ZNF280D: variants seen among roughly 807,000 people sequenced by gnomAD.
The protein encoded by ZNF280D is zinc finger protein 280D.
A neutral mutation model predicts 94.7 loss-of-function variants in ZNF280D; 39 were observed. The ratio of observed to expected loss-of-function variants is 0.41; its 90% CI spans 0.32 to 0.54. ZNF280D has a LOEUF of 0.54. ZNF280D is among the 20% of genes least tolerant of loss of function. ZNF280D has a pLI of 0.22. For missense variants in ZNF280D, 1,090 were observed against 1,149.3 expected, an observed-to-expected ratio of 0.95 and a Z score of 0.75; for synonymous variants, 398 against 377.6, an observed-to-expected ratio of 1.05 and a Z score of -0.63.
intron 12 of ZNF280D, 79 bp from the exon 13 acceptor site, chr15:56,676,895 T>C: frequency 8.8e-7 from 1 of 1,140,944 alleles, no homozygotes; most frequent in Admixed American, 2.2e-5. Context: ...TGATGGATAA[T>C]TTGTCAGGAG....
intron 19 of ZNF280D, among the ~76,000 whole-genome samples, chr15:56,646,676 T>C (rs2052908255): frequency 2.6e-5 from 4 of 152,184 alleles, no homozygotes; most frequent in Admixed American, 6.5e-5. Flanking sequence ...CAGTCCAAAG[T>C]TAAAAAAGAC....
At chr15:56,678,541 T>G (rs2055399164) in intron 11 of ZNF280D, 123 bp downstream of exon 11, 1 of 852,326 alleles carries the variant, frequency 1.2e-6, no homozygotes, top group Non-Finnish European at 1.7e-6. Flanking sequence ...CCTTTCAATT[T>G]TGCCCTCAAA....
intron 16 of ZNF280D, 67 bp downstream of exon 16, chr15:56,666,328 G>C (rs2054281797): frequency 6.4e-7 from 1 of 1,556,186 alleles, no homozygotes; most frequent in Non-Finnish European, 8.7e-7. Flanking sequence ...GGATAACTTT[G>C]TTTTTGAAAC....
intron 17 of ZNF280D, 47 bp from the exon 18 acceptor site, chr15:56,654,550 C>T: frequency 6.7e-7 from 1 of 1,503,328 alleles, no homozygotes; most frequent in Non-Finnish European, 9.0e-7. Context: ...TTATGAAAAT[C>T]CACTTATAAG....
chr15:56,632,768 T>C (rs1329834974), intron 21 of ZNF280D, among the ~76,000 whole-genome samples: 1 of 152,028 alleles, frequency 6.6e-6, no homozygotes, highest in Non-Finnish European at 1.5e-5. Context: ...GGATTACAGG[T>C]ATGAGCCACC....
At chr15:56,681,129 C>T (rs2055589169) in intron 10 of ZNF280D, among the ~76,000 whole-genome samples, 1 of 152,070 alleles carries the variant, frequency 6.6e-6, no homozygotes, top group South Asian at 2.1e-4. Flanking sequence ...TTATAAAGCA[C>T]TATCATAAAG....
intron 7 of ZNF280D, among the ~76,000 whole-genome samples, chr15:56,692,242 A>C (rs1025637476): frequency 3.2e-4 from 48 of 152,200 alleles, no homozygotes; most frequent in African/African-American, 1.1e-3. Flanking sequence ...GGTGAATATC[A>C]AATCAAGTAT....
At chr15:56,695,200 G>C (rs144369654) in intron 6 of ZNF280D, among the ~76,000 whole-genome samples, 2 of 152,030 alleles carry the variant, frequency 1.3e-5, no homozygotes, top group Non-Finnish European at 2.9e-5. Flanking sequence ...AGCCTCCTGA[G>C]TAGCTGGGAC....
At chr15:56,652,684 C>T in intron 19 of ZNF280D, 2 of 985,282 alleles carry the variant, frequency 2.0e-6, no homozygotes, top group South Asian at 4.7e-5. Context: ...GTAGACATTA[C>T]ATCTTAGACG....
chr15:56,706,540 C>G (rs1198298928), intron 3 of ZNF280D, among the ~76,000 whole-genome samples: 1 of 152,060 alleles, frequency 6.6e-6, no homozygotes, highest in Admixed American at 6.6e-5. Context: ...AGAAGAGAGG[C>G]CTCAAACCCT....
chr15:56,695,164 C>T lies in ZNF280D; in HGVS notation c.382-1949G>A, dbSNP rs149638659. Reference sequence around the variant, plus strand: ...CTCCGCTCACTGCAACCTCTGCCTCCTGGGTTCAACTGACTCTCCTGTCTC... The same window carrying T: ...CTCCGCTCACTGCAACCTCTGCCTCTTGGGTTCAACTGACTCTCCTGTCTC... On this transcript the variant is annotated intron_variant, in intron 6 of 21. Coordinates refer to ENST00000267807, the MANE Select transcript of ZNF280D (RefSeq NM_017661.4). Among the ~76,000 whole-genome samples the T allele has an allele frequency of 3.3e-5, 5 of 152,216 alleles. No homozygotes were observed. The East Asian group carries it at 9.7e-4, about 29-fold the overall frequency.
chr15:56,733,491 TGAGGAGGAGGAGAAA>T lies in ZNF280D; in HGVS notation c.-134_-120del, dbSNP rs1304442122. 35 of 1,135,912 alleles carry T rather than the reference TGAGGAGGAGGAGAAA, an allele frequency of 3.1e-5. No individual in the cohort carries two copies. Among genetic ancestry groups the T allele is most frequent in the Non-Finnish European group, 3.7e-5 (34 of 915,542 alleles). The allele number at this position is 1,135,912 out of a possible 1,614,324, so 70.4% of individuals were successfully genotyped here. On this transcript the variant is annotated 5_prime_UTR_variant, in exon 1 of 22. Coordinates refer to ENST00000267807, the MANE Select transcript of ZNF280D (RefSeq NM_017661.4). ...GAGCGGATCGGCCTGACTGGAGCCCTGAGGAGGAGGAGAAAGAGGAGGAGGAAAAGGAGGAGCACG... is the reference window on the plus strand; with the variant it reads ...GAGCGGATCGGCCTGACTGGAGCCCTGAGGAGGAGGAAAAGGAGGAGCACG...
intron 16 of ZNF280D, among the ~76,000 whole-genome samples, chr15:56,660,524 G>C (rs930724669): frequency 2.0e-5 from 3 of 151,778 alleles, no homozygotes; most frequent in Non-Finnish European, 4.4e-5. Context: ...ATCACAGGAA[G>C]GGAAAAGTGA....
At chr15:56,725,887 AC>A (rs2058607678) in intron 1 of ZNF280D, among the ~76,000 whole-genome samples, 1 of 152,198 alleles carries the variant, frequency 6.6e-6, no homozygotes, top group Non-Finnish European at 1.5e-5. Context: ...ACACAAAGAA[AC>A]AAGGCATACA....
At chr15:56,724,891 G>T in intron 1 of ZNF280D, 2 of 452,262 alleles carry the variant, frequency 4.4e-6, no homozygotes, top group Middle Eastern at 3.3e-4. Context: ...TTTTTCTCAT[G>T]GAATGTAAGA....
chr15:56,677,497 G>T, intron 12 of ZNF280D, 77 bp downstream of exon 12: 1 of 1,023,648 alleles, frequency 9.8e-7, no homozygotes, highest in Non-Finnish European at 1.5e-6. Flanking sequence ...CTGACCGCTG[G>T]TCTAATAGGC....
intron 13 of ZNF280D, 77 bp from the exon 14 acceptor site, chr15:56,669,034 T>A: frequency 7.4e-7 from 1 of 1,351,244 alleles, no homozygotes. Flanking sequence ...ACTGCTGACT[T>A]AATTTTAATG....
At chr15:56,685,859 C>G (rs1190518090) in intron 9 of ZNF280D, among the ~76,000 whole-genome samples, 1 of 152,060 alleles carries the variant, frequency 6.6e-6, no homozygotes, top group African/African-American at 2.4e-5. Context: ...CCAAATAAAT[C>G]TATCATATTG....
At chr15:56,722,850 T>G (rs2058438658) in intron 1 of ZNF280D, among the ~76,000 whole-genome samples, 1 of 151,778 alleles carries the variant, frequency 6.6e-6, no homozygotes, top group African/African-American at 2.4e-5. Context: ...AATGATAGAC[T>G]GGATTAAGAA....
Sources: allele counts gnomAD v4.1 joint callset (sites outside exome capture counted in the v4.1 genomes callset), GRCh38; gene constraint gnomAD v4.1.1; transcripts MANE v1.5; gene names NCBI Gene and HGNC (gene_info 2026-07-23, HGNC 2026-07-21).